The following PON2 variants were observed in gnomAD, a reference collection of about 807,000 sequenced individuals.
PON2 encodes the protein paraoxonase 2, also known as serum paraoxonase/arylesterase 2.
In PON2, 27 loss-of-function variants were observed where a neutral mutation model predicts 36.6. The observed-to-expected ratio is 0.74, with a 90% confidence interval of 0.54 to 1.02. PON2 has a LOEUF of 1.02. Ranked by LOEUF, PON2 falls within the 50% of genes least tolerant of loss-of-function variation. The pLI is 0.00. For missense variants in PON2, 363 were observed against 421.1 expected (o/e 0.86, Z 1.21); for synonymous variants, 149 against 156.3 (o/e 0.95, Z 0.35).
Position 95,424,510 on chromosome 7 carries a change from C to A in PON2, c.145+5G>T. 6.2e-7 allele frequency: 1 copy of A among 1,609,372 alleles called. No individual in the cohort carries two copies. The highest frequency in any genetic ancestry group is 8.5e-7 in the Non-Finnish European group (1 of 1,176,000). Reference sequence around the variant, plus strand: ...TGTGCCCAACAAGCATTTTCATATACATACCAATTCCTTTAATCAGGTGGC... The same window carrying A: ...TGTGCCCAACAAGCATTTTCATATAAATACCAATTCCTTTAATCAGGTGGC... On this transcript the variant is annotated splice_donor_5th_base_variant and intron_variant, in intron 2 of 8. Coordinates refer to ENST00000222572, the MANE Select transcript of PON2 (RefSeq NM_000305.3).
rs17876141 is a variant in PON2 at position 95,411,823 on chromosome 7, C to T, written c.368-44G>A. The T allele has an allele frequency of 3.8e-3, 6,157 of 1,605,672 alleles. 189 individuals are homozygous for T. In the African/African-American group the frequency reaches 0.067, roughly 17 times the overall value. On this transcript the variant is annotated intron_variant, in intron 4 of 8. Coordinates refer to ENST00000222572, the MANE Select transcript of PON2 (RefSeq NM_000305.3). ...AGAGTTAATTTACAAGACATAACTA[C>T]GGGACCTCTGGGCAGGCACTGACAT...
chr7:95,409,148 A>G (rs1395875363), intron 6 of PON2, among the ~76,000 whole-genome samples: 1 of 152,138 alleles, frequency 6.6e-6, no homozygotes, highest in Non-Finnish European at 1.5e-5. Flanking sequence ...CCTCATCTCT[A>G]CTAAAAATAC....
Position 95,410,007 on chromosome 7 carries a change from A to G in PON2, c.589T>C (p.Leu197=), listed in dbSNP as rs767329897. The change falls in exon 6 of 9, where the codon TTG becomes CTG. Residue 197 remains leucine (L), a synonymous_variant. Transcript: ENST00000222572. ...DPFLKYLETY[L]NLHWANVVYY... is the part of the protein sequence containing the mutation. ...ACAACATTTGCCCAGTGTAAGTTCAAGTATGTTTCTAAATACTTTAAGAAA... is the reference window on the plus strand; with the variant it reads ...ACAACATTTGCCCAGTGTAAGTTCAGGTATGTTTCTAAATACTTTAAGAAA... 46 of 1,613,668 alleles carry G rather than the reference A, an allele frequency of 2.9e-5. 1 individual carries two copies. The highest frequency in any genetic ancestry group is 4.4e-5 in the South Asian group (4 of 91,088).
chr7:95,409,054 T>G (rs1164262556), intron 6 of PON2, among the ~76,000 whole-genome samples: 3 of 152,178 alleles, frequency 2.0e-5, no homozygotes, highest in African/African-American at 7.2e-5. Flanking sequence ...GGCATATGCC[T>G]GTAATCCCAG....
chr7:95,408,999 A>C (rs986974758), intron 6 of PON2, among the ~76,000 whole-genome samples: 10 of 152,174 alleles, frequency 6.6e-5, no homozygotes, highest in Non-Finnish European at 1.5e-4. Flanking sequence ...AAAATCTGCA[A>C]GTTTAACCAT....
At chr7:95,430,758 T>C (rs1585767150) in intron 1 of PON2, among the ~76,000 whole-genome samples, 1 of 151,382 alleles carries the variant, frequency 6.6e-6, no homozygotes, top group South Asian at 2.1e-4. Context: ...AGAACCTGCC[T>C]TGAAGAAAAA....
intron 1 of PON2, among the ~76,000 whole-genome samples, chr7:95,428,697 A>C (rs891707593): frequency 2.0e-5 from 3 of 152,194 alleles, no homozygotes; most frequent in African/African-American, 7.2e-5. Flanking sequence ...AGCAGTATTT[A>C]ATTGGTTTCC....
At chr7:95,418,000 T>C (rs1213544361) in intron 2 of PON2, among the ~76,000 whole-genome samples, 1 of 152,180 alleles carries the variant, frequency 6.6e-6, no homozygotes, top group Non-Finnish European at 1.5e-5. Context: ...AAAAAATACA[T>C]TTATTTCAAC....
At position 95,406,234 on chromosome 7, in the gene PON2, T is replaced by A; in HGVS notation, c.791A>T (p.Asp264Val). ...AATAGATAAATTATCCACCAGTGTA[T>A]CCAGCTCAAGTACCTTCCAAATGAG... ...NLTQLKVLELDTLVDNLSIDP... is the reference protein window; with the variant it reads ...NLTQLKVLELVTLVDNLSIDP... Residue 264 changes from aspartate (D) to valine (V), a missense_variant, in exon 8 of 9, where the codon GAT (aspartate) becomes GTT (valine). Asp to Val is a radical substitution (Grantham distance 152, BLOSUM62 -3). Transcript: ENST00000222572. The A allele has an allele frequency of 6.2e-7, 1 of 1,611,306 alleles. No homozygotes were observed. Among genetic ancestry groups the A allele is most frequent in the South Asian group, 1.1e-5 (1 of 90,992 alleles).
intron 1 of PON2, 111 bp downstream of exon 1, chr7:95,434,767 G>T: frequency 1.6e-6 from 2 of 1,235,742 alleles, no homozygotes; most frequent in South Asian, 1.4e-5. Flanking sequence ...ACCCCCGGCC[G>T]CAGGGCCAGG....
intron 2 of PON2, 45 bp downstream of exon 2, chr7:95,424,470 G>A (rs755802447): frequency 3.3e-6 from 5 of 1,507,728 alleles, no homozygotes; most frequent in South Asian, 1.1e-5. Flanking sequence ...TAATGTTAAT[G>A]GCCAAAAAAT....
At chr7:95,427,310 G>A (rs992223220) in intron 1 of PON2, among the ~76,000 whole-genome samples, 16 of 152,046 alleles carry the variant, frequency 1.1e-4, no homozygotes, top group African/African-American at 3.1e-4. Flanking sequence ...AGACCCTAGC[G>A]GCTGACAAAA....
At chr7:95,430,111 A>G (rs1393388229) in intron 1 of PON2, among the ~76,000 whole-genome samples, 3 of 152,166 alleles carry the variant, frequency 2.0e-5, no homozygotes, top group African/African-American at 4.8e-5. Flanking sequence ...GACTGGATGA[A>G]GGCATAAAAG....
At chr7:95,408,241 T>C (rs926393314) in intron 6 of PON2, among the ~76,000 whole-genome samples, 1 of 152,152 alleles carries the variant, frequency 6.6e-6, no homozygotes, top group Non-Finnish European at 1.5e-5. Context: ...CCTTCAAGGC[T>C]AATAGAGATA....
intron 3 of PON2, 110 bp downstream of exon 3, chr7:95,416,132 C>T: frequency 2.6e-6 from 4 of 1,552,878 alleles, no homozygotes; most frequent in Non-Finnish European, 3.5e-6. Flanking sequence ...CTCTTTTCTT[C>T]AGAATGCATT....
chr7:95,418,628 T>G (rs986620617), intron 2 of PON2, among the ~76,000 whole-genome samples: 1 of 152,232 alleles, frequency 6.6e-6, no homozygotes, highest in African/African-American at 2.4e-5. Flanking sequence ...CTTTTCTGTC[T>G]TTTTCGTATT....
intron 3 of PON2, chr7:95,412,719 GT>G (rs1363185117): frequency 3.9e-6 from 2 of 514,318 alleles, no homozygotes; most frequent in Admixed American, 6.4e-5. Flanking sequence ...TAATCAGAAG[GT>G]TGGTGGACTA....
chr7:95,408,891 T>C (rs1004229102), intron 6 of PON2, among the ~76,000 whole-genome samples: 2 of 152,190 alleles, frequency 1.3e-5, no homozygotes, highest in Non-Finnish European at 2.9e-5. Context: ...TTTGAGCAAA[T>C]AGTTCTATTT....
Position 95,405,309 on chromosome 7 carries a change from C to G in PON2, c.*21G>C. The G allele has an allele frequency of 6.2e-7, 1 of 1,611,632 alleles. No individual in the cohort carries two copies. The highest frequency in any genetic ancestry group is 8.5e-7 in the Non-Finnish European group (1 of 1,177,986). On this transcript the variant is annotated 3_prime_UTR_variant, in exon 9 of 9. Coordinates refer to ENST00000222572, the MANE Select transcript of PON2 (RefSeq NM_000305.3). ...GAAAATTAATTGTTAAGTTATCGCA[C>G]TTTCATGCCAAAAGTACAATTTAGA...
Sources: gnomAD v4.1 joint callset for allele counts (sites outside exome capture counted in the v4.1 genomes callset) on GRCh38, gnomAD v4.1.1 for gene constraint, MANE v1.5 for transcripts, NCBI Gene and HGNC (gene_info 2026-07-23, HGNC 2026-07-21) for gene names.